HMGCLL1: variants seen among roughly 807,000 people sequenced by gnomAD.
The protein encoded by HMGCLL1 is 3-hydroxy-3-methylglutaryl-CoA lyase like 1, also known as 3-hydroxymethyl-3-methylglutaryl-CoA lyase, cytoplasmic.
In HMGCLL1, 36 loss-of-function variants were observed where a neutral mutation model predicts 39.1. The ratio of observed to expected loss-of-function variants is 0.92; its 90% confidence interval spans 0.71 to 1.22. HMGCLL1 has a LOEUF of 1.22. Among genes scored for constraint, HMGCLL1 ranks in the 50% most tolerant of loss-of-function variants. HMGCLL1 has a pLI of 0.00. For missense variants in HMGCLL1, 451 were observed against 416.5 expected (o/e 1.08, Z -0.72); for synonymous variants, 149 against 144.0 (o/e 1.03, Z -0.25).
chr6:55,606,987 T>C, the HMGCLL1 span, among the ~76,000 whole-genome samples: 2 of 152,190 alleles, frequency 1.3e-5, no homozygotes, highest in Admixed American at 6.5e-5. Context: ...GCATTTTCAA[T>C]TTCTAACTTC....
chr6:55,669,173 T>C, the HMGCLL1 span, among the ~76,000 whole-genome samples: 3 of 151,260 alleles, frequency 2.0e-5, no homozygotes, highest in African/African-American at 7.3e-5. Flanking sequence ...AACCTGAACA[T>C]GCCTGGATCT....
chr6:55,561,652 T>A (rs1770954683), intron 1 of HMGCLL1, among the ~76,000 whole-genome samples: 1 of 152,152 alleles, frequency 6.6e-6, no homozygotes, highest in Admixed American at 6.6e-5. Flanking sequence ...TATATGATTA[T>A]GTCTAAATAA....
intron 7 of HMGCLL1, among the ~76,000 whole-genome samples, chr6:55,482,991 A>T (rs977039825): frequency 1.3e-5 from 2 of 152,150 alleles, no homozygotes; most frequent in African/African-American, 4.8e-5. Flanking sequence ...AGGAAGATAA[A>T]CGAAACATGT....
chr6:55,469,467 ATG>A (rs145549028), intron 7 of HMGCLL1, among the ~76,000 whole-genome samples: 30,890 of 146,394 alleles, frequency 0.21, 4,229 homozygotes, highest in African/African-American at 0.4. Flanking sequence ...ATGTGTATAT[ATG>A]TGTGTGTGTG....
chr6:55,477,282 ATT>A lies in HMGCLL1; in HGVS notation c.795+18135_795+18136del, dbSNP rs1561904726. ...ATATATTATATAATATATATTATAT[ATT>A]ATATATAAAATAATATATATTATAT... On this transcript the variant is annotated intron_variant, in intron 7 of 8. Transcript: ENST00000274901. 3.0e-4 allele frequency among the ~76,000 whole-genome samples: 5 copies of A among 16,800 alleles called. 1 individual carries two copies. Among genetic ancestry groups the A allele is most frequent in the African/African-American group, 6.3e-4 (1 of 1,584 alleles). 11.0% of individuals were successfully genotyped at this position (16,800 alleles called of 152,430 possible).
chr6:55,479,737 A>T (rs1003828214), intron 7 of HMGCLL1, among the ~76,000 whole-genome samples: 5 of 151,724 alleles, frequency 3.3e-5, no homozygotes, highest in African/African-American at 1.2e-4. Context: ...TTAAAGGATA[A>T]GCAGAAAGTT....
At position 55,516,654 on chromosome 6, in the gene HMGCLL1, G is replaced by T. The variant is rs779851827; in HGVS notation, c.298-51C>A. ...AATGTGTAACTTCGAATATGTTACC[G>T]AGAATCATTTTAGTTTCAGGTAGGT... On this transcript the variant is annotated intron_variant, in intron 3 of 8. Transcript: ENST00000274901. 6 of 1,227,782 alleles carry T rather than the reference G, an allele frequency of 4.9e-6. No individual in the cohort carries two copies. The East Asian group carries it at 9.5e-5, about 19-fold the overall frequency. 76.1% of individuals were successfully genotyped at this position (1,227,782 alleles called of 1,614,324 possible).
chr6:55,663,678 G>A, the HMGCLL1 span, among the ~76,000 whole-genome samples: 3 of 151,760 alleles, frequency 2.0e-5, no homozygotes, highest in Non-Finnish European at 4.4e-5. Context: ...CTCTGGAGAG[G>A]TCTATCAGAT....
At position 55,532,804 on chromosome 6, in the gene HMGCLL1, CATAATAATAATAATA is replaced by C. The variant is rs201080387; in HGVS notation, c.297+8910_297+8924del. The stretch of plus-strand genomic sequence containing the variant: ...CAACAAAGCAAGACTCTGTCTCAAA[CATAATAATAATAATA>C]ATAATAATAATAATAATAATAATAA... On this transcript the variant is annotated intron_variant, in intron 3 of 8. Coordinates refer to ENST00000274901, the MANE Select transcript of HMGCLL1 (RefSeq NM_001042406.2). Among the ~76,000 whole-genome samples the C allele has an allele frequency of 5.7e-3, 409 of 71,530 alleles. 5 individuals are homozygous for C. Among genetic ancestry groups the C allele is most frequent in the African/African-American group, 0.012 (323 of 25,868 alleles). The allele number at this position is 71,530 out of a possible 152,430, so 46.9% of individuals were successfully genotyped here.
chr6:55,522,563 T>C (rs1362963510), intron 3 of HMGCLL1, among the ~76,000 whole-genome samples: 1 of 152,030 alleles, frequency 6.6e-6, no homozygotes, highest in Admixed American at 6.6e-5. Flanking sequence ...CTCCTATTCA[T>C]TTAGATTTTA....
At chr6:55,658,855 A>G in the HMGCLL1 span, among the ~76,000 whole-genome samples, 1 of 151,914 alleles carries the variant, frequency 6.6e-6, no homozygotes, top group East Asian at 2.0e-4. Flanking sequence ...TAGGTACTAT[A>G]AAGAAGCAAG....
At chr6:55,477,521 CAT>C (rs1284649093) in intron 7 of HMGCLL1, among the ~76,000 whole-genome samples, 13 of 108,988 alleles carry the variant, frequency 1.2e-4, no homozygotes, top group Non-Finnish European at 2.1e-4. Flanking sequence ...TATGTAATTA[CAT>C]ATATATATAA....
rs559915334 is a variant in HMGCLL1, at chr6:55,575,693, T to C, written c.108+3255A>G. On this transcript the variant is annotated intron_variant, in intron 1 of 8. Coordinates refer to ENST00000274901, the MANE Select transcript of HMGCLL1 (RefSeq NM_001042406.2). ...AGAATTAGTTAAGCTCTCTGCTGTG[T>C]TGACAGCCTCCAGAAACCATTTTTA... Among the ~76,000 whole-genome samples, 3 of 152,308 alleles carry C rather than the reference T, an allele frequency of 2.0e-5. No individual in the cohort carries two copies. The South Asian group carries it at 6.2e-4, about 32-fold the overall frequency.
chr6:55,537,693 G>A (rs531771220), intron 3 of HMGCLL1, among the ~76,000 whole-genome samples: 1 of 152,244 alleles, frequency 6.6e-6, no homozygotes, highest in East Asian at 1.9e-4. Context: ...CATCACTGCT[G>A]GGATTTCCAA....
intron 8 of HMGCLL1, among the ~76,000 whole-genome samples, chr6:55,438,855 A>C (rs1763475619): frequency 6.6e-6 from 1 of 152,058 alleles, no homozygotes; most frequent in African/African-American, 2.4e-5. Context: ...TTGTGTTAAC[A>C]ATCATAGGGC....
upstream of HMGCLL1, among the ~76,000 whole-genome samples, chr6:55,581,661 T>C (rs1468963015): frequency 6.6e-6 from 1 of 152,096 alleles, no homozygotes; most frequent in Non-Finnish European, 1.5e-5. Context: ...GAAGGTTCTA[T>C]AGTTCTCTCT....
At chr6:55,487,203 T>G in intron 7 of HMGCLL1, among the ~76,000 whole-genome samples, 1 of 150,638 alleles carries the variant, frequency 6.6e-6, no homozygotes, top group East Asian at 1.9e-4. Flanking sequence ...CTTTTGTACT[T>G]TTTTTTTTAC....
the HMGCLL1 span, among the ~76,000 whole-genome samples, chr6:55,605,903 GGT>G: frequency 6.6e-6 from 1 of 152,108 alleles, no homozygotes; most frequent in South Asian, 2.1e-4. Context: ...CAATGATATA[GGT>G]GCTTTGTAAT....
At chr6:55,628,215 C>T in the HMGCLL1 span, among the ~76,000 whole-genome samples, 1 of 86,528 alleles carries the variant, frequency 1.2e-5, no homozygotes, top group East Asian at 3.0e-4. Flanking sequence ...CCTATCAGTT[C>T]TGTCCCTATA....
Sources: gnomAD v4.1 joint callset for allele counts (sites outside exome capture counted in the v4.1 genomes callset) on GRCh38, gnomAD v4.1.1 for gene constraint, MANE v1.5 for transcripts, NCBI Gene and HGNC (gene_info 2026-07-23, HGNC 2026-07-21) for gene names.